Variants in MATR3 observed in about 807,000 individuals in gnomAD.
The protein encoded by MATR3 is matrin-3.
In MATR3, 4 loss-of-function variants were observed where a neutral mutation model predicts 85.5. That is an observed-to-expected ratio of 0.05 (90% CI 0.02 to 0.11). The LOEUF (loss-of-function observed/expected upper bound fraction) is 0.11, where lower values mean the gene tolerates loss of function less well. MATR3 is among the 10% of genes least tolerant of loss of function. MATR3 has a pLI of 1.00. For missense variants in MATR3, 685 were observed against 1,016.1 expected, an observed-to-expected ratio of 0.67 and a Z score of 4.43; for synonymous variants, 336 against 343.1, an observed-to-expected ratio of 0.98 and a Z score of 0.23.
intron 2 of MATR3, chr5:139,311,960 G>C (rs1277356788): frequency 6.6e-6 from 1 of 151,236 alleles, no homozygotes; most frequent in African/African-American, 2.4e-5. Context: ...AGTAGAGACG[G>C]GTTTCACCAT....
chr5:139,288,947 C>T (rs1389753794), upstream of MATR3, among the ~76,000 whole-genome samples: 1 of 151,588 alleles, frequency 6.6e-6, no homozygotes, highest in African/African-American at 2.4e-5. Context: ...CCACACCCAG[C>T]TAATTTTTGG....
intron 2 of MATR3, chr5:139,278,787 G>C (rs748151367): frequency 5.9e-6 from 3 of 505,508 alleles, no homozygotes; most frequent in Non-Finnish European, 1.2e-5. Context: ...ATCATCCAGC[G>C]GTTGTCAGCT....
intron 3 of MATR3, chr5:139,279,215 A>G: frequency 2.2e-6 from 1 of 452,682 alleles, no homozygotes; most frequent in South Asian, 1.6e-5. Flanking sequence ...GATGTGAAAA[A>G]TTATGTAGAG....
intron 3 of MATR3, chr5:139,280,665 T>C (rs779187420): frequency 3.3e-5 from 5 of 152,212 alleles, no homozygotes; most frequent in Non-Finnish European, 7.3e-5. Flanking sequence ...TCAGTCTGAG[T>C]TGGTAAAACC....
chr5:139,317,458 A>C (rs1755310304), intron 6 of MATR3, 138 bp from the exon 7 acceptor site: 2 of 879,624 alleles, frequency 2.3e-6, no homozygotes, highest in Non-Finnish European at 3.6e-6. Flanking sequence ...TGTAGCTTTA[A>C]AATTCTCTAG....
chr5:139,323,170 C>G (rs1429588674), intron 12 of MATR3, among the ~76,000 whole-genome samples: 5 of 151,918 alleles, frequency 3.3e-5, no homozygotes, highest in South Asian at 2.1e-4. Flanking sequence ...CAAAAAACAT[C>G]AGCTCAAAGA....
rs139718775 is a variant in MATR3, at chr5:139,287,618, TAA to T, written c.-178+8500_-178+8501del. On this transcript the variant is annotated intron_variant, in intron 3 of 16. Transcript: ENST00000509990. ...TGGGCAACGAGCAAAACTCCGTCTC[TAA>T]AAAAAAAAAAGTTTCATCATTAAGC... Among the ~76,000 whole-genome samples the T allele has an allele frequency of 1.9e-4, 27 of 144,604 alleles. No homozygotes were observed. The South Asian group carries it at 3.1e-3, about 16-fold the overall frequency. The allele number at this position is 144,604 out of a possible 152,430, so 94.9% of individuals were successfully genotyped here.
intron 3 of MATR3, among the ~76,000 whole-genome samples, chr5:139,287,189 A>G (rs1463200225): frequency 1.3e-5 from 2 of 152,236 alleles, no homozygotes; most frequent in East Asian, 1.9e-4. Context: ...GACTCCTCAT[A>G]TTCACATAAT....
At chr5:139,276,070 C>T in intron 1 of MATR3, 3 of 456,776 alleles carry the variant, frequency 6.6e-6, no homozygotes, top group South Asian at 4.6e-5. Flanking sequence ...GGACTCTGAG[C>T]TGCACACGTG....
At chr5:139,315,806 A>G (rs1755211027) in intron 4 of MATR3, 68 bp downstream of exon 4, 1 of 1,242,254 alleles carries the variant, frequency 8.0e-7, no homozygotes, top group African/African-American at 1.5e-5. Flanking sequence ...TTTCACTTTC[A>G]ACATTTCATA....
chr5:139,296,196 A>G (rs181861010), intron 1 of MATR3, among the ~76,000 whole-genome samples: 1 of 152,180 alleles, frequency 6.6e-6, no homozygotes, highest in Admixed American at 6.5e-5. Context: ...AATTTTTTTT[A>G]AAATTAAATA....
At chr5:139,274,128 C>G in exon 1 of MATR3, 1 of 444,536 alleles carries the variant, frequency 2.2e-6, no homozygotes, top group Non-Finnish European at 4.5e-6. Context: ...TCTGCCGGTG[C>G]TGCTGCGCCC....
At chr5:139,293,916 T>C (rs1753985191) in intron 1 of MATR3, 111 bp downstream of exon 1, 4 of 1,179,984 alleles carry the variant, frequency 3.4e-6, no homozygotes, top group Non-Finnish European at 4.3e-6. Context: ...GGCGCGCCTT[T>C]CTTGCTCGCT....
chr5:139,299,627 T>C lies in MATR3; in HGVS notation c.-178+5822T>C, dbSNP rs113527858. ...CTGCAATGAGCCAAGATTGTGCCAC[T>C]GCACTGGGCAACAGAGGAAGACCCT... On this transcript the variant is annotated intron_variant, in intron 1 of 14. Coordinates refer to ENST00000394805, the MANE Select transcript of MATR3 (RefSeq NM_018834.6). Among the ~76,000 whole-genome samples, 1,159 of 152,322 alleles carry C rather than the reference T, an allele frequency of 7.6e-3. 9 individuals carry two copies. The highest frequency in any genetic ancestry group is 0.026 in the African/African-American group (1,095 of 41,576).
chr5:139,306,664 C>T (rs1754721854), intron 1 of MATR3, among the ~76,000 whole-genome samples: 1 of 152,204 alleles, frequency 6.6e-6, no homozygotes, highest in Non-Finnish European at 1.5e-5. Flanking sequence ...TTCTTATTCA[C>T]ATCTATCTTC....
chr5:139,290,438 C>CTTTTTTTTTTTTTTTTTTTTTT (rs762364450), upstream of MATR3, among the ~76,000 whole-genome samples: 3 of 44,970 alleles, frequency 6.7e-5, 1 homozygote, highest in African/African-American at 3.9e-4. Context: ...CCTGGCCGCT[C>CTTTTTTTTTTTTTTTTTTTTTT]TTTTTTTTTT....
rs143840998 is a variant in MATR3 at position 139,317,088 on chromosome 5, A to G, written c.1165A>G (p.Met389Val). The change falls in exon 6 of 15, where the codon ATG (methionine) becomes GTG (valine). Residue 389 changes from methionine (M) to valine (V), a missense_variant. Transcript: ENST00000394805. ...TGGAAACCTGCAAGGACCTAGACAC[A>G]TGCAGAAAGGCAGAGTGGTCAGTAA... ...GNGNLQGPRH[M>V]QKGRVETSRV... The G allele has an allele frequency of 2.2e-5, 35 of 1,614,002 alleles. No individual in the cohort carries two copies. Among genetic ancestry groups the G allele is most frequent in the Non-Finnish European group, 2.8e-5 (33 of 1,179,984 alleles).
intron 2 of MATR3, among the ~76,000 whole-genome samples, chr5:139,308,823 G>GT (rs957657318): frequency 1.3e-5 from 2 of 152,020 alleles, no homozygotes; most frequent in African/African-American, 4.8e-5. Context: ...GTTTGTTTCA[G>GT]TATGTTTCAT....
At chr5:139,301,863 G>A (rs1754464172) in intron 1 of MATR3, among the ~76,000 whole-genome samples, 1 of 152,140 alleles carries the variant, frequency 6.6e-6, no homozygotes, top group Non-Finnish European at 1.5e-5. Flanking sequence ...TATTATTCCA[G>A]GTCTGAGTGG....
Sources: gnomAD v4.1 joint callset for allele counts (sites outside exome capture counted in the v4.1 genomes callset) on GRCh38, gnomAD v4.1.1 for gene constraint, MANE v1.5 for transcripts, NCBI Gene and HGNC (gene_info 2026-07-23, HGNC 2026-07-21) for gene names.